The following CSMD1 variants were observed in gnomAD, a reference collection of about 807,000 sequenced individuals.
The protein encoded by CSMD1 is CUB and Sushi multiple domains 1.
In CSMD1, 213 loss-of-function variants were observed where a neutral mutation model predicts 417.5. The ratio of observed to expected loss-of-function variants is 0.51; its 90% CI spans 0.46 to 0.57. The LOEUF (loss-of-function observed/expected upper bound fraction) is 0.57, where lower values mean the gene tolerates loss of function less well. CSMD1 is among the 20% of genes least tolerant of loss of function. The pLI, the probability that CSMD1 is intolerant of heterozygous loss-of-function variation, is 0.00. For missense variants in CSMD1, 6,923 were observed against 4,529.7 expected, an observed-to-expected ratio of 1.53 and a Z score of -15.17; for synonymous variants, 2,862 against 1,736.8, an observed-to-expected ratio of 1.65 and a Z score of -16.11.
At chr8:3,137,503 A>G (rs1818172075) in intron 41 of CSMD1, among the ~76,000 whole-genome samples, 3 of 152,248 alleles carry the variant, frequency 2.0e-5, no homozygotes, top group Non-Finnish European at 4.4e-5. Flanking sequence ...AATGACCGTC[A>G]CCTTCATGCA....
chr8:3,457,119 C>A (rs946628865), intron 12 of CSMD1, among the ~76,000 whole-genome samples: 1 of 151,710 alleles, frequency 6.6e-6, no homozygotes, highest in Non-Finnish European at 1.5e-5. Context: ...ATCCCTCACC[C>A]AGGCCTCTCC....
chr8:4,435,327 C>T (rs1258644970), intron 2 of CSMD1, among the ~76,000 whole-genome samples: 1 of 152,072 alleles, frequency 6.6e-6, no homozygotes, highest in African/African-American at 2.4e-5. Context: ...AGGTAAAATG[C>T]AGGATTATGG....
At chr8:4,109,291 G>A (rs1801729702) in intron 3 of CSMD1, among the ~76,000 whole-genome samples, 1 of 152,050 alleles carries the variant, frequency 6.6e-6, no homozygotes, top group African/African-American at 2.4e-5. Flanking sequence ...CAGATATGAA[G>A]GAGCAGCTGT....
intron 1 of CSMD1, among the ~76,000 whole-genome samples, chr8:4,824,082 C>CCACACACA (rs34597770): frequency 2.4e-4 from 36 of 147,742 alleles, no homozygotes; most frequent in African/African-American, 8.5e-4. Flanking sequence ...AAATAAATAT[C>CCACACACA]CACACACACA....
chr8:3,163,427 A>G (rs999387456), intron 37 of CSMD1, among the ~76,000 whole-genome samples: 11 of 151,558 alleles, frequency 7.3e-5, no homozygotes, highest in Non-Finnish European at 1.5e-4. Flanking sequence ...AAAAAAAAAA[A>G]CAGCAGGAGA....
At chr8:4,703,538 T>A (rs1432115735) in intron 1 of CSMD1, among the ~76,000 whole-genome samples, 2 of 152,174 alleles carry the variant, frequency 1.3e-5, no homozygotes, top group African/African-American at 2.4e-5. Flanking sequence ...TTTTTATCAA[T>A]TTTGCAAGGA....
Position 3,480,445 on chromosome 8 carries a change from GA to G in CSMD1, c.1449-11622del, listed in dbSNP as rs1410765536. Among the ~76,000 whole-genome samples, 4 of 152,100 alleles carry G rather than the reference GA, an allele frequency of 2.6e-5. No individual in the cohort carries two copies. In the East Asian group the frequency reaches 7.7e-4, roughly 29 times the overall value. On this transcript the variant is annotated intron_variant, in intron 11 of 69. Coordinates refer to ENST00000635120, the MANE Select transcript of CSMD1 (RefSeq NM_033225.6). ...AAACAAAACAAAACAAATACACATA[GA>G]AAAAAGAATCCAACTATTTTTTATC...
intron 2 of CSMD1, among the ~76,000 whole-genome samples, chr8:4,500,925 T>C (rs1802229480): frequency 6.6e-6 from 1 of 152,156 alleles, no homozygotes; most frequent in African/African-American, 2.4e-5. Context: ...AGTGATCTTT[T>C]ACAACTTGAG....
rs140208695 is a variant in CSMD1 at position 4,854,629 on chromosome 8, T to G, written c.85+139703A>C. On this transcript the variant is annotated intron_variant, in intron 1 of 69. Coordinates refer to ENST00000635120, the MANE Select transcript of CSMD1 (RefSeq NM_033225.6). ...GCGGAAGGGGTCAGGGAGTTCCCTT[T>G]CTGAGTCAAAGAAAGGGGTGACGGA... Among the ~76,000 whole-genome samples the G allele has an allele frequency of 3.8e-3, 582 of 152,216 alleles. 2 individuals are homozygous for G. Among genetic ancestry groups the G allele is most frequent in the African/African-American group, 0.013 (557 of 41,546 alleles).
At chr8:3,261,506 T>A (rs1177351372) in intron 26 of CSMD1, among the ~76,000 whole-genome samples, 1 of 152,008 alleles carries the variant, frequency 6.6e-6, no homozygotes, top group African/African-American at 2.4e-5. Context: ...CCCAAAAACT[T>A]ACAGAAAAAT....
intron 1 of CSMD1, among the ~76,000 whole-genome samples, chr8:4,712,582 T>C (rs1315877789): frequency 1.3e-5 from 2 of 152,252 alleles, no homozygotes. Flanking sequence ...GAAGGGGCTT[T>C]AGAATACTGA....
chr8:3,990,029 A>C (rs1814626624), intron 5 of CSMD1, among the ~76,000 whole-genome samples: 1 of 152,230 alleles, frequency 6.6e-6, no homozygotes, highest in Non-Finnish European at 1.5e-5. Flanking sequence ...TTGAGGAATA[A>C]ATGAGAGTTA....
At chr8:3,463,493 T>C (rs1189570107) in intron 12 of CSMD1, among the ~76,000 whole-genome samples, 1 of 152,204 alleles carries the variant, frequency 6.6e-6, no homozygotes, top group Non-Finnish European at 1.5e-5. Flanking sequence ...CAGCTTCACC[T>C]TCTCTTTAGG....
intron 5 of CSMD1, among the ~76,000 whole-genome samples, chr8:3,790,901 G>C (rs1699127318): frequency 6.6e-6 from 1 of 152,142 alleles, no homozygotes; most frequent in Non-Finnish European, 1.5e-5. Flanking sequence ...GAATGGATGT[G>C]TCAAAACTGT....
intron 3 of CSMD1, among the ~76,000 whole-genome samples, chr8:4,296,268 A>T (rs1008493494): frequency 6.6e-6 from 1 of 152,086 alleles, no homozygotes; most frequent in African/African-American, 2.4e-5. Context: ...TAGCACCAGA[A>T]TTCAGAAGTG....
At chr8:3,704,651 C>G (rs1352196679) in intron 7 of CSMD1, 1 of 152,232 alleles carries the variant, frequency 6.6e-6, no homozygotes, top group African/African-American at 2.4e-5. Context: ...AACTTTCACT[C>G]CAACCTCACC....
At chr8:4,224,329 C>T (rs970090845) in intron 3 of CSMD1, among the ~76,000 whole-genome samples, 1 of 152,148 alleles carries the variant, frequency 6.6e-6, no homozygotes, top group Non-Finnish European at 1.5e-5. Flanking sequence ...TCCAAGAGCA[C>T]ATTTTGGCAG....
intron 8 of CSMD1, among the ~76,000 whole-genome samples, chr8:3,606,776 T>C (rs543677879): frequency 9.1e-4 from 138 of 151,664 alleles, no homozygotes; most frequent in African/African-American, 3.1e-3. Flanking sequence ...AGTGGCGTGA[T>C]CTCCACTCAG....
intron 3 of CSMD1, among the ~76,000 whole-genome samples, chr8:4,129,575 T>G (rs1165501005): frequency 5.2e-5 from 2 of 38,614 alleles, no homozygotes; most frequent in Non-Finnish European, 9.8e-5. Flanking sequence ...GTTATTTACT[T>G]TACGTTTTTT....
Sources: gnomAD v4.1 joint callset for allele counts (sites outside exome capture counted in the v4.1 genomes callset) on GRCh38, gnomAD v4.1.1 for gene constraint, MANE v1.5 for transcripts, NCBI Gene and HGNC (gene_info 2026-07-23, HGNC 2026-07-21) for gene names.